Variants in FNBP4 observed in about 807,000 individuals in gnomAD.
The protein encoded by FNBP4 is formin-binding protein 4.
Under a neutral mutation model 119.3 loss-of-function variants are expected in FNBP4, and 34 were observed. The ratio of observed to expected loss-of-function variants is 0.28; its 90% CI spans 0.22 to 0.38. The LOEUF (loss-of-function observed/expected upper bound fraction) is 0.38, where lower values mean the gene tolerates loss of function less well. Among genes scored for constraint, FNBP4 ranks in the 10% least tolerant of loss-of-function variants. FNBP4 has a pLI of 1.00. For synonymous variants in FNBP4, 462 were observed against 430.6 expected, an observed-to-expected ratio of 1.07 and a Z score of -0.90; for missense variants, 1,112 against 1,228.9, an observed-to-expected ratio of 0.90 and a Z score of 1.42.
intron 8 of FNBP4, among the ~76,000 whole-genome samples, chr11:47,742,909 G>T (rs1477161733): frequency 6.6e-6 from 1 of 151,480 alleles, no homozygotes; most frequent in Non-Finnish European, 1.5e-5. Flanking sequence ...TAAATAAAAA[G>T]AAAAGAAAAA....
At chr11:47,761,893 C>T (rs1170247837) in intron 2 of FNBP4, among the ~76,000 whole-genome samples, 2 of 151,832 alleles carry the variant, frequency 1.3e-5, no homozygotes, top group African/African-American at 4.8e-5. Flanking sequence ...GGCTGGAGTG[C>T]AATGGCGTGA....
chr11:47,742,726 G>T (rs996899202), intron 8 of FNBP4, among the ~76,000 whole-genome samples: 3 of 149,306 alleles, frequency 2.0e-5, no homozygotes, highest in African/African-American at 7.4e-5. Context: ...CATCTCTACT[G>T]AAAAATACAA....
Position 47,746,275 on chromosome 11 carries a change from T to C in FNBP4, c.1026A>G (p.Arg342=). The part of the protein sequence containing the change: ...EGIKEEEERW[R]RKVICKEEPV... ...GCTCCTCTTTACAAATTACTTTTCTTCTCCATCTCTCTTCTTCTTCTTTTA... is the reference window on the plus strand; with the variant it reads ...GCTCCTCTTTACAAATTACTTTTCTCCTCCATCTCTCTTCTTCTTCTTTTA... The change falls in exon 7 of 17, where the codon AGA becomes AGG. Residue 342 remains arginine, a synonymous_variant. Coordinates refer to ENST00000263773, the MANE Select transcript of FNBP4 (RefSeq NM_015308.5). The C allele has an allele frequency of 6.2e-7, 1 of 1,614,178 alleles. No individual in the cohort carries two copies. The highest frequency in any genetic ancestry group is 8.5e-7 in the Non-Finnish European group (1 of 1,180,042).
intron 3 of FNBP4, among the ~76,000 whole-genome samples, chr11:47,753,749 T>C (rs2097609489): frequency 6.6e-6 from 1 of 151,724 alleles, no homozygotes; most frequent in Non-Finnish European, 1.5e-5. Context: ...TGGGCCAACA[T>C]CACGCCACCA....
intron 15 of FNBP4, among the ~76,000 whole-genome samples, chr11:47,720,973 G>T (rs1015866161): frequency 4.6e-5 from 7 of 151,898 alleles, no homozygotes. Context: ...GCAACACAGT[G>T]AGACTCTGTC....
chr11:47,751,829 T>A (rs2097604747), intron 4 of FNBP4, among the ~76,000 whole-genome samples: 1 of 151,952 alleles, frequency 6.6e-6, no homozygotes, highest in South Asian at 2.1e-4. Flanking sequence ...GTGCCTGTAA[T>A]CCCAGCTACT....
At chr11:47,725,509 T>A (rs1193381362) in intron 12 of FNBP4, 4 of 152,304 alleles carry the variant, frequency 2.6e-5, no homozygotes, top group African/African-American at 9.6e-5. Flanking sequence ...AATTTTTACT[T>A]TTGCGATAAA....
At chr11:47,765,121 CACAA>C (rs2135298623) in intron 2 of FNBP4, 145 bp downstream of exon 2, 1 of 629,884 alleles carries the variant, frequency 1.6e-6, no homozygotes, top group Non-Finnish European at 2.7e-6. Flanking sequence ...AACATTCTCT[CACAA>C]ACAAAAATAA....
intron 8 of FNBP4, among the ~76,000 whole-genome samples, chr11:47,737,400 A>G (rs2097575726): frequency 6.6e-6 from 1 of 152,122 alleles, no homozygotes; most frequent in South Asian, 2.1e-4. Flanking sequence ...AGAATTCTTT[A>G]ACAAGTTGCA....
Position 47,744,051 on chromosome 11 carries a change from C to A in FNBP4, c.1358G>T (p.Arg453Ile). 6.2e-7 allele frequency: 1 copy of A among 1,614,140 alleles called. No homozygotes were observed. ...QDGMRRLMSK[R>I]GKWKMFVRAT... ...TCGAACAAACATCTTCCATTTTCCT[C>A]TTTTAGACATAAGCCTACGCATTCC... Residue 453 changes from arginine (R) to isoleucine (I), a missense_variant, in exon 8 of 17, where the codon AGA becomes ATA. Physicochemically the swap from Arg to Ile is moderately conservative, Grantham distance 97. Transcript: ENST00000263773.
intron 12 of FNBP4, 34 bp from the exon 13 acceptor site, chr11:47,724,812 A>C: frequency 6.6e-7 from 1 of 1,519,992 alleles, no homozygotes. Context: ...GGAAAAAGCA[A>C]GAAAAAAACT....
intron 6 of FNBP4, among the ~76,000 whole-genome samples, chr11:47,747,498 G>C (rs1193035702): frequency 6.6e-6 from 1 of 151,952 alleles, no homozygotes; most frequent in Non-Finnish European, 1.5e-5. Context: ...GTAGAGACAG[G>C]GTTTTACCAG....
At chr11:47,753,517 A>T (rs889587941) in intron 3 of FNBP4, among the ~76,000 whole-genome samples, 2 of 152,162 alleles carry the variant, frequency 1.3e-5, no homozygotes, top group Non-Finnish European at 2.9e-5. Flanking sequence ...AGGCTGAGGC[A>T]CTAGAATTGC....
At chr11:47,735,808 G>A (rs942791453) in intron 9 of FNBP4, among the ~76,000 whole-genome samples, 11 of 151,990 alleles carry the variant, frequency 7.2e-5, no homozygotes, top group African/African-American at 2.2e-4. Context: ...GGCCCGGTGC[G>A]GTGGCTCATG....
chr11:47,756,387 T>C (rs2097618258), intron 2 of FNBP4, among the ~76,000 whole-genome samples: 1 of 152,214 alleles, frequency 6.6e-6, no homozygotes, highest in South Asian at 2.1e-4. Context: ...TATCGAAAGT[T>C]AAATCTAGTT....
chr11:47,731,930 G>A, intron 11 of FNBP4: 1 of 1,004,388 alleles, frequency 1.0e-6, no homozygotes, highest in Non-Finnish European at 1.2e-6. Context: ...GAACAACGAA[G>A]TTTGTGAAAG....
At position 47,738,847 on chromosome 11, in the gene FNBP4, A is replaced by ATTTTTT. The variant is rs71045510; in HGVS notation, c.1457-2113_1457-2108dup. On this transcript the variant is annotated intron_variant, in intron 8 of 16. Coordinates refer to ENST00000263773, the MANE Select transcript of FNBP4 (RefSeq NM_015308.5). ...AGGTGTTTGCCACCATGCCCAGGTA[A>ATTTTTT]TTTTTTTTTTTTTTTTTTTTTTTTT... 7.5e-4 allele frequency among the ~76,000 whole-genome samples: 83 copies of ATTTTTT among 110,958 alleles called. 7 individuals carry two copies. The highest frequency in any genetic ancestry group is 1.7e-3 in the South Asian group (5 of 2,980). The allele number at this position is 110,958 out of a possible 152,430, so 72.8% of individuals were successfully genotyped here. A position where few individuals can be genotyped will look rare whatever the true frequency, so the allele number is the denominator to read the frequency against.
In FNBP4 at chr11:47,731,573, G is replaced by C; in HGVS notation, c.1821-12C>G. 6.3e-7 allele frequency: 1 copy of C among 1,593,904 alleles called. No homozygotes were observed. Among genetic ancestry groups the C allele is most frequent in the Non-Finnish European group, 8.5e-7 (1 of 1,173,450 alleles). On this transcript the variant is annotated splice_polypyrimidine_tract_variant and intron_variant, in intron 11 of 16. Coordinates refer to ENST00000263773, the MANE Select transcript of FNBP4 (RefSeq NM_015308.5). ...ACCGTCTATGATCCCTAAATTACAA[G>C]AAAGAAAACACATGTTTTAAAACCC...
chr11:47,751,643 G>T (rs1301243750), intron 4 of FNBP4, among the ~76,000 whole-genome samples: 1 of 152,028 alleles, frequency 6.6e-6, no homozygotes, highest in African/African-American at 2.4e-5. Flanking sequence ...AGTCACCTTT[G>T]AACACATTTT....
Sources: gnomAD v4.1 joint callset for allele counts (sites outside exome capture counted in the v4.1 genomes callset) on GRCh38, gnomAD v4.1.1 for gene constraint, MANE v1.5 for transcripts, NCBI Gene and HGNC (gene_info 2026-07-23, HGNC 2026-07-21) for gene names.